Variants in GSE1 observed in about 807,000 individuals in gnomAD.
The protein encoded by GSE1 is Gse1 coiled-coil protein, also known as genetic suppressor element 1.
GSE1 carries 32 observed loss-of-function variants against 112.6 expected under a neutral mutation model. The ratio of observed to expected loss-of-function variants is 0.28; its 90% confidence interval spans 0.21 to 0.38. GSE1 has a LOEUF of 0.38. GSE1 is among the 10% of genes least tolerant of loss of function. GSE1 has a pLI of 1.00. For synonymous variants in GSE1, 1,115 were observed against 735.6 expected (o/e 1.52, Z -8.35); for missense variants, 2,348 against 1,699.2 (o/e 1.38, Z -6.71).
intron 1 of GSE1, among the ~76,000 whole-genome samples, chr16:85,589,466 G>A (rs1402150408): frequency 6.6e-6 from 1 of 152,210 alleles, no homozygotes; most frequent in Non-Finnish European, 1.5e-5. Flanking sequence ...AACTCCAGAG[G>A]AGCCATGGCG....
chr16:85,398,377 C>T lies in GSE1; in HGVS notation c.2464+40734C>T, dbSNP rs533428376. On this transcript the variant is annotated intron_variant, in intron 2 of 2. Coordinates refer to the GSE1 transcript ENST00000637419. The stretch of plus-strand genomic sequence containing the variant: ...AGGCAAGAGCCCAGTCCCTCCTGAG[C>T]AGGAGGTGGAGGGGAAGTGTGCCAG... 2.3e-3 allele frequency among the ~76,000 whole-genome samples: 344 copies of T among 152,284 alleles called. 1 individual carries two copies. Among genetic ancestry groups the T allele is most frequent in the Non-Finnish European group, 4.2e-3 (286 of 68,030 alleles).
intron 1 of GSE1, among the ~76,000 whole-genome samples, chr16:85,278,426 G>C (rs879864597): frequency 6.6e-6 from 1 of 152,212 alleles, no homozygotes; most frequent in Non-Finnish European, 1.5e-5. Context: ...TTTTGAGAAA[G>C]AAGACACTGT....
chr16:85,237,071 ATC>A (rs1403699356), intron 1 of GSE1, among the ~76,000 whole-genome samples: 1 of 152,220 alleles, frequency 6.6e-6, no homozygotes, highest in African/African-American at 2.4e-5. Flanking sequence ...CATGCCTGTA[ATC>A]TCAGCACTTT....
At chr16:85,372,949 G>A (rs2047333906) in intron 2 of GSE1, among the ~76,000 whole-genome samples, 2 of 152,240 alleles carry the variant, frequency 1.3e-5, no homozygotes, top group Admixed American at 1.3e-4. Context: ...GGGTTGCAAA[G>A]CCAGGCCATG....
At chr16:85,224,874 A>G (rs1597840260) in intron 1 of GSE1, among the ~76,000 whole-genome samples, 1 of 152,050 alleles carries the variant, frequency 6.6e-6, no homozygotes. Flanking sequence ...TGGCACCTGT[A>G]ATCCCAGCAC....
chr16:85,606,848 A>G (rs2047724147), upstream of GSE1, among the ~76,000 whole-genome samples: 1 of 152,162 alleles, frequency 6.6e-6, no homozygotes, highest in South Asian at 2.1e-4. Flanking sequence ...GAAGCGTCCA[A>G]AACTCCCAGG....
chr16:85,588,835 T>C (rs972179240), intron 1 of GSE1, among the ~76,000 whole-genome samples: 13 of 152,170 alleles, frequency 8.5e-5, no homozygotes, highest in Admixed American at 7.8e-4. Context: ...CGAGGCCTGC[T>C]GCCTCCCAAA....
At chr16:85,639,499 C>T (rs1281842753) in intron 2 of GSE1, among the ~76,000 whole-genome samples, 1 of 92,324 alleles carries the variant, frequency 1.1e-5, no homozygotes, top group Non-Finnish European at 2.8e-5. Flanking sequence ...TCCTGGGCGC[C>T]AGGCCTAGCC....
At chr16:85,640,440 C>A (rs1567699708) in intron 2 of GSE1, among the ~76,000 whole-genome samples, 2 of 152,230 alleles carry the variant, frequency 1.3e-5, no homozygotes, top group South Asian at 4.1e-4. Context: ...TCATCGAGGC[C>A]CGCGGGGCCC....
intron 1 of GSE1, among the ~76,000 whole-genome samples, chr16:85,562,990 G>A (rs2045590041): frequency 6.6e-6 from 1 of 152,240 alleles, no homozygotes; most frequent in Admixed American, 6.5e-5. Flanking sequence ...GAAGGATGAT[G>A]GGATCCCCTC....
At chr16:85,617,510 A>G (rs2048444057) in intron 1 of GSE1, among the ~76,000 whole-genome samples, 2 of 149,954 alleles carry the variant, frequency 1.3e-5, no homozygotes, top group South Asian at 4.2e-4. Flanking sequence ...GGGGAGCTTT[A>G]AAAGCTCCCA....
chr16:85,422,469 T>C (rs1597708804), intron 2 of GSE1, among the ~76,000 whole-genome samples: 1 of 148,292 alleles, frequency 6.7e-6, no homozygotes, highest in South Asian at 2.1e-4. Context: ...CGGGAGGCAG[T>C]GTGGGGTGGG....
chr16:85,588,406 A>G (rs2046809323), intron 1 of GSE1, among the ~76,000 whole-genome samples: 1 of 152,140 alleles, frequency 6.6e-6, no homozygotes, highest in African/African-American at 2.4e-5. Flanking sequence ...CTAGGCTGCT[A>G]ATTACCAGTG....
chr16:85,549,388 G>C (rs1341463212), intron 2 of GSE1, among the ~76,000 whole-genome samples: 2 of 152,052 alleles, frequency 1.3e-5, no homozygotes, highest in Non-Finnish European at 2.9e-5. Flanking sequence ...TGTTGCCCAG[G>C]CTGGTCTTGG....
At chr16:85,172,834 C>T (rs1461224205) in intron 1 of GSE1, among the ~76,000 whole-genome samples, 1 of 152,230 alleles carries the variant, frequency 6.6e-6, no homozygotes, top group Non-Finnish European at 1.5e-5. Context: ...ACGTGTGGGG[C>T]ACGGAGGTGG....
intron 2 of GSE1, among the ~76,000 whole-genome samples, chr16:85,445,461 A>G (rs2049486979): frequency 6.6e-6 from 1 of 152,110 alleles, no homozygotes; most frequent in South Asian, 2.1e-4. Context: ...CAGTCCCCAG[A>G]CCCCTCACAG....
At chr16:85,324,640 C>A (rs777984552) in intron 1 of GSE1, among the ~76,000 whole-genome samples, 1 of 151,966 alleles carries the variant, frequency 6.6e-6, no homozygotes, top group Non-Finnish European at 1.5e-5. Flanking sequence ...AGTTGATGAG[C>A]GGATAAACAA....
At chr16:85,504,029 G>A (rs1597984090) in intron 2 of GSE1, among the ~76,000 whole-genome samples, 2 of 152,218 alleles carry the variant, frequency 1.3e-5, no homozygotes, top group African/African-American at 4.8e-5. Context: ...GCAGAAAAGC[G>A]CCATCCTCCG....
At chr16:85,557,411 T>G (rs965535847) in intron 1 of GSE1, among the ~76,000 whole-genome samples, 1 of 151,398 alleles carries the variant, frequency 6.6e-6, no homozygotes, top group Non-Finnish European at 1.5e-5. Context: ...TGTGTGTGGG[T>G]GGGGAGGGTG....
Sources: gnomAD v4.1 joint callset for allele counts (sites outside exome capture counted in the v4.1 genomes callset) on GRCh38, gnomAD v4.1.1 for gene constraint, MANE v1.5 for transcripts, NCBI Gene and HGNC (gene_info 2026-07-23, HGNC 2026-07-21) for gene names.